Variants in LDB3 observed in about 807,000 individuals in gnomAD.
LDB3 encodes LIM domain binding 3.
In LDB3, 49 loss-of-function variants were observed where a neutral mutation model predicts 69.0. That is an observed-to-expected ratio of 0.71 (90% confidence interval 0.56 to 0.90). The LOEUF is 0.90. Ranked by LOEUF, LDB3 falls within the 40% of genes least tolerant of loss-of-function variation. The pLI is 0.00. For missense variants in LDB3, 928 were observed against 974.1 expected (o/e 0.95, Z 0.63); for synonymous variants, 387 against 396.2 (o/e 0.98, Z 0.28).
chr10:86,716,105 G>T (rs570544255), intron 9 of LDB3, among the ~76,000 whole-genome samples: 2 of 151,942 alleles, frequency 1.3e-5, no homozygotes, highest in Non-Finnish European at 2.9e-5. Flanking sequence ...TTCCAGCCCT[G>T]TCGAGGGTTC....
chr10:86,728,926 T>C (rs1847364333), intron 13 of LDB3, among the ~76,000 whole-genome samples: 1 of 146,390 alleles, frequency 6.8e-6, no homozygotes, highest in Admixed American at 6.9e-5. Context: ...TTGGAAAACT[T>C]TGAGGGACTT....
At chr10:86,696,749 G>T (rs766194292) in intron 7 of LDB3, among the ~76,000 whole-genome samples, 1 of 152,204 alleles carries the variant, frequency 6.6e-6, no homozygotes, top group Admixed American at 6.5e-5. Flanking sequence ...GACTCAAGGA[G>T]CCCCACCACA....
chr10:86,686,497 G>T (rs1986382), intron 5 of LDB3, among the ~76,000 whole-genome samples: 96,289 of 152,004 alleles, frequency 0.63, 31,783 homozygotes, highest in Non-Finnish European at 0.74. Flanking sequence ...CTGCAGGGGA[G>T]CTGGGAAAGC....
upstream of LDB3, chr10:86,666,854 G>T (rs1426349580): frequency 4.3e-6 from 2 of 464,478 alleles, no homozygotes; most frequent in Non-Finnish European, 8.9e-6. Flanking sequence ...TCCAGGTACA[G>T]CCTCCCCCAG....
In LDB3 at chr10:86,699,237, GTTTCTC is replaced by G; in HGVS notation, c.896+6668_896+6673del. On this transcript the variant is annotated intron_variant, in intron 7 of 13. Coordinates refer to ENST00000361373, the MANE Select transcript of LDB3 (RefSeq NM_007078.3). This position sits in a 1 kb window ranked among gnomAD's most constrained non-coding sequence, Gnocchi z 4.9. ...TCTCTCTCTTTCTGTCTCTGTCTCT[GTTTCTC>G]TCTCTCTCTCTCTCTCTCTCTCTCT... 6.8e-7 allele frequency: 1 copy of G among 1,461,898 alleles called. No homozygotes were observed. Among genetic ancestry groups the G allele is most frequent in the Admixed American group, 1.9e-5 (1 of 52,212 alleles). 90.6% of individuals were successfully genotyped at this position (1,461,898 alleles called of 1,614,324 possible).
At position 86,718,121 on chromosome 10, in the gene LDB3, A is replaced by G; in HGVS notation, c.1834A>G (p.Lys612Glu). The G allele has an allele frequency of 6.2e-7, 1 of 1,614,178 alleles. No individual in the cohort carries two copies. ...GCAATTCTTTGCCCCGCTGTGTGCC[A>G]AGTGCAACACCAAAATTATGGGGGT... ...YEQFFAPLCA[K>E]CNTKIMGEVM... The change falls in exon 11 of 14, where the codon AAG (lysine) becomes GAG (glutamate). Residue 612 changes from lysine (K) to glutamate (E), a missense_variant. Coordinates refer to ENST00000361373, the MANE Select transcript of LDB3 (RefSeq NM_007078.3).
chr10:86,682,529 A>G (rs1230758235), intron 5 of LDB3, among the ~76,000 whole-genome samples: 1 of 152,132 alleles, frequency 6.6e-6, no homozygotes, highest in Non-Finnish European at 1.5e-5. Flanking sequence ...AAAGGAACGG[A>G]GTCCCCACAC....
intron 2 of LDB3, among the ~76,000 whole-genome samples, chr10:86,676,578 A>AAAG (rs71861385): frequency 6.3e-5 from 9 of 142,610 alleles, no homozygotes; most frequent in African/African-American, 1.6e-4. Context: ...AAAAAAAAAA[A>AAAG]AGAGAAAGAA....
chr10:86,730,790 T>C (rs573082453), intron 13 of LDB3, among the ~76,000 whole-genome samples: 1 of 152,268 alleles, frequency 6.6e-6, no homozygotes, highest in East Asian at 1.9e-4. Flanking sequence ...CCACAAATAT[T>C]AATTAGTTCT....
chr10:86,667,810 G>C (rs1844238810), upstream of LDB3, among the ~76,000 whole-genome samples: 1 of 152,246 alleles, frequency 6.6e-6, no homozygotes, highest in Admixed American at 6.5e-5. Flanking sequence ...CAGAGGGCCA[G>C]CTGCCCAGGA....
At chr10:86,732,802 C>T (rs776742673) in intron 13 of LDB3, 85 bp from the exon 14 acceptor site, 12 of 1,080,206 alleles carry the variant, frequency 1.1e-5, no homozygotes, top group African/African-American at 1.6e-5. Flanking sequence ...CCACGCCTGG[C>T]CAGGGCGTTT....
Position 86,679,534 on chromosome 10 carries a change from C to A in LDB3, c.245+16C>A. On this transcript the variant is annotated intron_variant, in intron 3 of 13. Coordinates refer to ENST00000361373, the MANE Select transcript of LDB3 (RefSeq NM_007078.3). Reference sequence around the variant, plus strand: ...CCCTGCAGAAGTAGGTGGGAGCTCTCCAGAGCAGGGGGCGGAGGTTTGGGT... The same window carrying A: ...CCCTGCAGAAGTAGGTGGGAGCTCTACAGAGCAGGGGGCGGAGGTTTGGGT... The A allele has an allele frequency of 6.2e-7, 1 of 1,613,300 alleles. No individual in the cohort carries two copies. The highest frequency in any genetic ancestry group is 8.5e-7 in the Non-Finnish European group (1 of 1,179,886).
intron 9 of LDB3, among the ~76,000 whole-genome samples, chr10:86,715,399 G>A (rs529839518): frequency 6.6e-6 from 1 of 152,320 alleles, no homozygotes; most frequent in South Asian, 2.1e-4. Flanking sequence ...GTCTGCCCTG[G>A]CTAGGTGTTG....
At chr10:86,680,573 G>A (rs552340507) in intron 4 of LDB3, among the ~76,000 whole-genome samples, 14 of 152,306 alleles carry the variant, frequency 9.2e-5, no homozygotes, top group African/African-American at 3.1e-4. Flanking sequence ...GGACCTCCAG[G>A]TGTGGAGGGG....
chr10:86,732,913 G>A lies in LDB3; in HGVS notation c.2121G>A (p.Gln707=), dbSNP rs1448232240. ...CAVCHVNLEG[Q]PFYSKKDRPL... is the part of the protein sequence containing the mutation. ...TCTGCCATGTGAATCTGGAGGGGCAGCCGTTCTACTCCAAGAAGGACAGAC... is the reference window on the plus strand; with the variant it reads ...TCTGCCATGTGAATCTGGAGGGGCAACCGTTCTACTCCAAGAAGGACAGAC... The change falls in exon 14 of 14, where the codon CAG becomes CAA. Residue 707 remains glutamine, a synonymous_variant. Transcript: ENST00000361373. 6.2e-7 allele frequency: 1 copy of A among 1,613,918 alleles called. No individual in the cohort carries two copies. Among genetic ancestry groups the A allele is most frequent in the Admixed American group, 1.7e-5 (1 of 59,992 alleles).
intron 5 of LDB3, among the ~76,000 whole-genome samples, chr10:86,687,654 A>C (rs1845559582): frequency 1.3e-5 from 2 of 152,220 alleles, no homozygotes; most frequent in South Asian, 4.1e-4. Flanking sequence ...GGGGGAAGTT[A>C]CCAGGTTCTT....
At chr10:86,679,742 A>G (rs1220012614) in intron 3 of LDB3, among the ~76,000 whole-genome samples, 5 of 152,202 alleles carry the variant, frequency 3.3e-5, no homozygotes, top group African/African-American at 9.6e-5. Flanking sequence ...TAAGGCAGAG[A>G]TGGTGGTCCT....
chr10:86,677,350 G>A (rs1294459178), intron 2 of LDB3, among the ~76,000 whole-genome samples: 2 of 152,140 alleles, frequency 1.3e-5, no homozygotes, highest in Non-Finnish European at 2.9e-5. Context: ...TTAGGGGTGG[G>A]GCTGCTAATG....
chr10:86,669,182 T>C (rs956876292), intron 2 of LDB3, among the ~76,000 whole-genome samples: 2 of 152,062 alleles, frequency 1.3e-5, no homozygotes, highest in Non-Finnish European at 2.9e-5. Context: ...AAGGGAGTAT[T>C]CCCAGCATGG....
Sources: allele counts gnomAD v4.1 joint callset (sites outside exome capture counted in the v4.1 genomes callset), GRCh38; gene constraint gnomAD v4.1.1; non-coding constraint Gnocchi (gnomAD v3.1); transcripts MANE v1.5; gene names NCBI Gene and HGNC (gene_info 2026-07-23, HGNC 2026-07-21).